The following ERBB4 variants were observed in gnomAD, a reference collection of about 807,000 sequenced individuals.
ERBB4 encodes receptor tyrosine-protein kinase erbB-4.
ERBB4 carries 42 observed loss-of-function variants against 158.0 expected under a neutral mutation model. That is an observed-to-expected ratio of 0.27 (90% CI 0.21 to 0.34). The LOEUF (loss-of-function observed/expected upper bound fraction) is 0.34, where lower values mean the gene tolerates loss of function less well. ERBB4 is among the 10% of genes least tolerant of loss of function. The pLI, the probability that ERBB4 is intolerant of heterozygous loss-of-function variation, is 1.00. For synonymous variants in ERBB4, 583 were observed against 558.7 expected (o/e 1.04, Z -0.61); for missense variants, 1,333 against 1,624.1 (o/e 0.82, Z 3.08).
intron 1 of ERBB4, among the ~76,000 whole-genome samples, chr2:212,440,903 A>G (rs192563075): frequency 6.8e-4 from 103 of 152,336 alleles, no homozygotes; most frequent in African/African-American, 2.3e-3. Context: ...TGATGAACTC[A>G]GGGATTCTGT....
chr2:211,460,330 A>C (rs1257749828), intron 20 of ERBB4, among the ~76,000 whole-genome samples: 1 of 152,120 alleles, frequency 6.6e-6, no homozygotes. Context: ...ATCTTTGTAA[A>C]ACTTCAGTAT....
chr2:212,071,313 GAAA>G (rs35559308), intron 2 of ERBB4, among the ~76,000 whole-genome samples: 1 of 146,262 alleles, frequency 6.8e-6, no homozygotes, highest in South Asian at 2.1e-4. Context: ...CAGAAGAAAT[GAAA>G]AAAAAAAAAC....
intron 1 of ERBB4, among the ~76,000 whole-genome samples, chr2:212,292,867 CAAG>C: frequency 6.6e-6 from 1 of 152,068 alleles, no homozygotes; most frequent in East Asian, 1.9e-4. Context: ...TAAAATTCAA[CAAG>C]AAGAGATTGT....
At chr2:212,495,443 T>C (rs1234678884) in intron 1 of ERBB4, among the ~76,000 whole-genome samples, 1 of 152,228 alleles carries the variant, frequency 6.6e-6, no homozygotes, top group Non-Finnish European at 1.5e-5. Context: ...CCTACTATTT[T>C]ATTTGCCTAT....
intron 1 of ERBB4, among the ~76,000 whole-genome samples, chr2:212,371,830 A>G (rs1439379651): frequency 6.6e-6 from 1 of 152,262 alleles, no homozygotes. Context: ...CTCTCCACTT[A>G]AAGAGAAAGA....
chr2:212,345,909 A>G (rs956183661), intron 1 of ERBB4, among the ~76,000 whole-genome samples: 1 of 152,208 alleles, frequency 6.6e-6, no homozygotes. Context: ...CAGAAAATAT[A>G]TTTGAATTCT....
At chr2:212,466,231 G>A (rs190660825) in intron 1 of ERBB4, among the ~76,000 whole-genome samples, 21 of 152,240 alleles carry the variant, frequency 1.4e-4, no homozygotes, top group Admixed American at 2.6e-4. Flanking sequence ...AACAACACAG[G>A]TTTGAACTGC....
intron 2 of ERBB4, among the ~76,000 whole-genome samples, chr2:211,984,368 T>C (rs568510767): frequency 2.0e-5 from 3 of 152,200 alleles, no homozygotes; most frequent in African/African-American, 7.2e-5. Context: ...TTAAAATAAC[T>C]AAAAATGAAA....
At chr2:212,502,170 A>G (rs139839734) in intron 1 of ERBB4, among the ~76,000 whole-genome samples, 115 of 152,222 alleles carry the variant, frequency 7.6e-4, no homozygotes, top group East Asian at 5.2e-3. Flanking sequence ...ATGTATAACT[A>G]TATAATGAGC....
intron 1 of ERBB4, among the ~76,000 whole-genome samples, chr2:212,211,027 C>T: frequency 6.6e-6 from 1 of 152,062 alleles, no homozygotes; most frequent in East Asian, 1.9e-4. Context: ...CATCTCTATC[C>T]ATTCTGTTTT....
At chr2:211,851,619 T>C (rs1026033096) in intron 3 of ERBB4, among the ~76,000 whole-genome samples, 6 of 151,952 alleles carry the variant, frequency 3.9e-5, no homozygotes, top group Admixed American at 6.6e-5. Flanking sequence ...CATAACCTTG[T>C]GCATCATCAA....
chr2:211,568,184 A>T (rs1040761185), intron 19 of ERBB4, among the ~76,000 whole-genome samples: 7 of 151,688 alleles, frequency 4.6e-5, no homozygotes, highest in African/African-American at 1.7e-4. Context: ...CTCATTGAAC[A>T]GAAGGGAATA....
At chr2:211,597,978 C>T (rs2125807072) in intron 19 of ERBB4, among the ~76,000 whole-genome samples, 1 of 152,142 alleles carries the variant, frequency 6.6e-6, no homozygotes, top group South Asian at 2.1e-4. Flanking sequence ...AAGAATAATT[C>T]AGTTAAAGTG....
intron 2 of ERBB4, among the ~76,000 whole-genome samples, chr2:211,948,464 C>T (rs914345348): frequency 3.2e-5 from 4 of 124,300 alleles, no homozygotes; most frequent in Admixed American, 8.2e-5. Flanking sequence ...AAAAAAAAAA[C>T]CTAATTGTTG....
intron 1 of ERBB4, among the ~76,000 whole-genome samples, chr2:212,256,441 A>G (rs2084742454): frequency 6.6e-6 from 1 of 152,200 alleles, no homozygotes; most frequent in Non-Finnish European, 1.5e-5. Context: ...TGAATTTGAT[A>G]GTCAGAAACA....
At chr2:212,499,418 CTT>C (rs1239038653) in intron 1 of ERBB4, among the ~76,000 whole-genome samples, 3 of 152,142 alleles carry the variant, frequency 2.0e-5, no homozygotes, top group East Asian at 1.9e-4. Flanking sequence ...ATATTTTACT[CTT>C]GATGTAATAA....
At chr2:211,912,838 C>T (rs1350077492) in intron 3 of ERBB4, among the ~76,000 whole-genome samples, 1 of 152,106 alleles carries the variant, frequency 6.6e-6, no homozygotes, top group Admixed American at 6.6e-5. Context: ...CTTTTAAAGA[C>T]CTGAAAAGAA....
At chr2:212,523,234 G>C (rs936186277) in intron 1 of ERBB4, among the ~76,000 whole-genome samples, 3 of 151,816 alleles carry the variant, frequency 2.0e-5, no homozygotes, top group Admixed American at 6.6e-5. Flanking sequence ...GTTTCCCTAG[G>C]AAAGTGCTTC....
chr2:211,397,818 AC>A (rs1288396645), intron 25 of ERBB4, among the ~76,000 whole-genome samples: 6 of 152,150 alleles, frequency 3.9e-5, no homozygotes, highest in Non-Finnish European at 5.9e-5. Context: ...CACTCCAAAA[AC>A]ATCCTCAATT....
Sources: gnomAD v4.1 joint callset for allele counts (sites outside exome capture counted in the v4.1 genomes callset) on GRCh38, gnomAD v4.1.1 for gene constraint, MANE v1.5 for transcripts, NCBI Gene and HGNC (gene_info 2026-07-23, HGNC 2026-07-21) for gene names.